TMEM156: variants seen among roughly 807,000 people sequenced by gnomAD.
TMEM156 encodes transmembrane protein 156.
TMEM156 carries 28 observed loss-of-function variants against 30.5 expected under a neutral mutation model. The ratio of observed to expected loss-of-function variants is 0.92; its 90% CI spans 0.68 to 1.26. TMEM156 has a LOEUF of 1.26. TMEM156 is among the 50% of genes most tolerant of loss of function. The pLI, the probability that TMEM156 is intolerant of heterozygous loss-of-function variation, is 0.00. For missense variants in TMEM156, 351 were observed against 340.6 expected (o/e 1.03, Z -0.24); for synonymous variants, 137 against 119.9 (o/e 1.14, Z -0.93).
At chr4:38,973,066 T>C (rs979232557) in intron 5 of TMEM156, among the ~76,000 whole-genome samples, 13 of 152,212 alleles carry the variant, frequency 8.5e-5, no homozygotes, top group African/African-American at 3.1e-4. Flanking sequence ...CATTGATCCA[T>C]TTAAAAGTCA....
chr4:39,025,833 T>G (rs1024197981), intron 1 of TMEM156, among the ~76,000 whole-genome samples: 1 of 152,184 alleles, frequency 6.6e-6, no homozygotes, highest in South Asian at 2.1e-4. Context: ...CAACTTAAAA[T>G]CTCTAGGTTT....
At chr4:38,994,109 A>G in intron 2 of TMEM156, 111 bp from the exon 3 acceptor site, 1 of 975,112 alleles carries the variant, frequency 1.0e-6, no homozygotes, top group East Asian at 2.6e-5. Flanking sequence ...TAGAAACAAG[A>G]AGTTTCCTAC....
chr4:39,021,901 C>G (rs1714894867), intron 1 of TMEM156, among the ~76,000 whole-genome samples: 2 of 152,140 alleles, frequency 1.3e-5, no homozygotes, highest in Non-Finnish European at 2.9e-5. Flanking sequence ...TAAATATTTT[C>G]TATTTTATAT....
chr4:38,991,227 CTT>C (rs111885547), intron 3 of TMEM156, among the ~76,000 whole-genome samples: 15 of 126,448 alleles, frequency 1.2e-4, no homozygotes, highest in Non-Finnish European at 8.6e-5. Flanking sequence ...CTTTTCTTTT[CTT>C]TTTTTTTTTT....
intron 3 of TMEM156, among the ~76,000 whole-genome samples, chr4:38,989,552 G>T (rs1420883894): frequency 6.6e-6 from 1 of 152,204 alleles, no homozygotes; most frequent in Non-Finnish European, 1.5e-5. Flanking sequence ...CTAATTAAAC[G>T]TAGTTGCCCT....
intron 5 of TMEM156, among the ~76,000 whole-genome samples, chr4:38,983,126 C>T (rs557451606): frequency 1.2e-4 from 18 of 152,276 alleles, no homozygotes; most frequent in African/African-American, 4.1e-4. Flanking sequence ...TCTCACCAGA[C>T]CATTCCTGAC....
At chr4:38,972,930 T>TA (rs1383415449) in intron 5 of TMEM156, among the ~76,000 whole-genome samples, 1 of 152,214 alleles carries the variant, frequency 6.6e-6, no homozygotes, top group Non-Finnish European at 1.5e-5. Flanking sequence ...TTTTTCCACA[T>TA]AGTCAATTTG....
intron 1 of TMEM156, among the ~76,000 whole-genome samples, chr4:39,027,658 C>T (rs940385124): frequency 6.7e-6 from 1 of 148,952 alleles, no homozygotes; most frequent in Non-Finnish European, 1.5e-5. Context: ...CAGGCTCAAG[C>T]GATTCTCCTG....
At chr4:38,973,280 G>T (rs917083273) in intron 5 of TMEM156, among the ~76,000 whole-genome samples, 2 of 152,088 alleles carry the variant, frequency 1.3e-5, no homozygotes, top group African/African-American at 4.8e-5. Context: ...TATTTCAAAA[G>T]ATATTATTTT....
intron 1 of TMEM156, among the ~76,000 whole-genome samples, chr4:39,025,258 G>A (rs1391109460): frequency 7.1e-6 from 1 of 140,938 alleles, no homozygotes; most frequent in Non-Finnish European, 1.5e-5. Flanking sequence ...TGCGGCAGAA[G>A]AATCGCTTGA....
intron 1 of TMEM156, among the ~76,000 whole-genome samples, chr4:39,018,691 C>G (rs1197681171): frequency 6.6e-6 from 1 of 152,086 alleles, no homozygotes; most frequent in Non-Finnish European, 1.5e-5. Flanking sequence ...TTCCTTTAAA[C>G]TTTTTAAAGA....
chr4:39,016,371 TAA>T (rs71192812), intron 1 of TMEM156, among the ~76,000 whole-genome samples: 4 of 132,994 alleles, frequency 3.0e-5, no homozygotes. Context: ...AGACTCTGCC[TAA>T]AAAAAAAAAA....
Position 38,993,738 on chromosome 4 carries a change from T to C in TMEM156, c.619A>G (p.Asn207Asp). 1 of 1,610,552 alleles carries C rather than the reference T, an allele frequency of 6.2e-7. No individual in the cohort carries two copies. Among genetic ancestry groups the C allele is most frequent in the Non-Finnish European group, 8.5e-7 (1 of 1,177,202 alleles). ...CCCTTTAGTTTCCTTAAAAACTTAC[T>C]TTTTATATCCATCTCTAGGTGCAAA... ...ISLHLEMDIKNITCSMKITWY... is the reference protein window; with the variant it reads ...ISLHLEMDIKDITCSMKITWY... Residue 207 changes from asparagine to aspartate, a missense_variant and splice_region_variant, in exon 3 of 7, where the codon AAT becomes GAT. Coordinates refer to ENST00000381938, the MANE Select transcript of TMEM156 (RefSeq NM_024943.3).
chr4:39,017,645 C>G (rs1203769878), intron 1 of TMEM156, among the ~76,000 whole-genome samples: 1 of 152,100 alleles, frequency 6.6e-6, no homozygotes, highest in East Asian at 1.9e-4. Flanking sequence ...TTTAAAATCT[C>G]CCACTAAATA....
At chr4:38,980,974 T>C (rs1374294528) in intron 5 of TMEM156, 2 of 984,898 alleles carry the variant, frequency 2.0e-6, no homozygotes, top group Admixed American at 6.1e-5. Context: ...CTATAGATTC[T>C]TCACATTTGT....
intron 1 of TMEM156, among the ~76,000 whole-genome samples, chr4:39,006,880 C>T (rs1339738489): frequency 6.6e-6 from 1 of 152,034 alleles, no homozygotes; most frequent in Non-Finnish European, 1.5e-5. Context: ...GAGGTTGAGG[C>T]CGTGGTGAGC....
chr4:39,030,085 T>C (rs1418656282), intron 1 of TMEM156, among the ~76,000 whole-genome samples: 2 of 151,328 alleles, frequency 1.3e-5, no homozygotes, highest in African/African-American at 2.4e-5. Flanking sequence ...AGTGTGGTGG[T>C]ATGTGCCTGT....
intron 5 of TMEM156, among the ~76,000 whole-genome samples, chr4:38,978,681 T>C (rs1723018731): frequency 6.6e-6 from 1 of 152,160 alleles, no homozygotes; most frequent in Non-Finnish European, 1.5e-5. Flanking sequence ...AAAAAATTAT[T>C]CCCAATCCAA....
chr4:39,016,886 T>C (rs1714522907), intron 1 of TMEM156, among the ~76,000 whole-genome samples: 1 of 152,158 alleles, frequency 6.6e-6, no homozygotes, highest in African/African-American at 2.4e-5. Context: ...TGGACTTAAG[T>C]TCCACATGGC....
Sources: allele counts gnomAD v4.1 joint callset (sites outside exome capture counted in the v4.1 genomes callset), GRCh38; gene constraint gnomAD v4.1.1; transcripts MANE v1.5; gene names NCBI Gene and HGNC (gene_info 2026-07-23, HGNC 2026-07-21).